The following ST7L variants were observed in gnomAD, a reference collection of about 807,000 sequenced individuals.
ST7L encodes the protein suppressor of tumorigenicity 7 protein-like.
ST7L carries 57 observed loss-of-function variants against 72.5 expected under a neutral mutation model. That is an observed-to-expected ratio of 0.79 (90% CI 0.64 to 0.98). The LOEUF (loss-of-function observed/expected upper bound fraction) is 0.98, where lower values mean the gene tolerates loss of function less well. Among genes scored for constraint, ST7L ranks in the 50% least tolerant of loss-of-function variants. The probability of loss-of-function intolerance (pLI) is 0.00; values close to 1 mark genes in which losing one functional copy is unlikely to be tolerated. For synonymous variants in ST7L, 221 were observed against 240.9 expected, an observed-to-expected ratio of 0.92 and a Z score of 0.77; for missense variants, 576 against 672.2, an observed-to-expected ratio of 0.86 and a Z score of 1.58.
intron 11 of ST7L, among the ~76,000 whole-genome samples, chr1:112,559,521 C>G (rs61818772): frequency 0.2 from 29,605 of 151,598 alleles, 3,252 homozygotes; most frequent in Middle Eastern, 0.26. Flanking sequence ...CATGAGCCAC[C>G]ACGCCTGGCA....
At chr1:112,586,922 A>G (rs1664951996) in intron 6 of ST7L, among the ~76,000 whole-genome samples, 1 of 152,146 alleles carries the variant, frequency 6.6e-6, no homozygotes, top group African/African-American at 2.4e-5. Flanking sequence ...TTAAGTAGTC[A>G]CTCCCCATCT....
chr1:112,558,431 T>C (rs1489925306), intron 11 of ST7L, among the ~76,000 whole-genome samples: 1 of 152,218 alleles, frequency 6.6e-6, no homozygotes, highest in Non-Finnish European at 1.5e-5. Flanking sequence ...CCTTACTTTA[T>C]TTAATCAATA....
chr1:112,591,807 C>A (rs1665769995), intron 5 of ST7L, among the ~76,000 whole-genome samples: 1 of 151,948 alleles, frequency 6.6e-6, no homozygotes, highest in Non-Finnish European at 1.5e-5. Context: ...AAAATATATT[C>A]TTTCTCTGAT....
At chr1:112,576,889 C>A in intron 11 of ST7L, 97 bp downstream of exon 11, 1 of 855,340 alleles carries the variant, frequency 1.2e-6, no homozygotes, top group South Asian at 2.0e-5. Context: ...TAAAACAATT[C>A]TGCACCAAAT....
At chr1:112,547,877 T>C (rs1657427691) in intron 13 of ST7L, among the ~76,000 whole-genome samples, 1 of 152,032 alleles carries the variant, frequency 6.6e-6, no homozygotes, top group African/African-American at 2.4e-5. Flanking sequence ...CCATCATCTT[T>C]TTATCAACCT....
chr1:112,541,977 C>T lies in ST7L; in HGVS notation c.1603G>A (p.Glu535Lys), dbSNP rs768028686. 36 of 1,613,744 alleles carry T rather than the reference C, an allele frequency of 2.2e-5. No individual in the cohort carries two copies. The East Asian group carries it at 8.0e-4, about 36-fold the overall frequency. Residue 535 changes from glutamate (E) to lysine (K), a missense_variant, in exon 14 of 15, where the codon GAA becomes AAA. Glu to Lys is a moderately conservative substitution (Grantham distance 56). Around this residue, in one of 3 missense-constraint regions of ST7L, gnomAD observed 511 missense variants for 600.7 expected, o/e 0.85. Coordinates refer to ENST00000358039, the MANE Select transcript of ST7L (RefSeq NM_017744.5). ...GCTTTAGCAAAAATACCCATGATTTCAGGAAACTGGTGAGTGAGAATGGCT... is the reference window on the plus strand; with the variant it reads ...GCTTTAGCAAAAATACCCATGATTTTAGGAAACTGGTGAGTGAGAATGGCT... ...MIAILTHQFP[E>K]IMGIFAKAVL...
intron 4 of ST7L, among the ~76,000 whole-genome samples, chr1:112,599,083 T>A (rs1276698219): frequency 0.2 from 10,712 of 53,046 alleles, 1,731 homozygotes; most frequent in Admixed American, 0.25. Flanking sequence ...AATATATATA[T>A]ATATATATAT....
At chr1:112,521,008 T>C (rs1300242066), downstream of ST7L, 2 of 159,052 alleles carry the variant, frequency 1.3e-5, no homozygotes, top group African/African-American at 4.8e-5. Context: ...GGCTACCACA[T>C]TCTATTATTG....
chr1:112,598,054 G>A lies in ST7L; in HGVS notation c.539C>T (p.Thr180Ile), dbSNP rs1326380461. 1.2e-6 allele frequency: 2 copies of A among 1,613,072 alleles called. No individual in the cohort carries two copies. The highest frequency in any genetic ancestry group is 3.3e-5 in the Admixed American group (2 of 59,766). The change falls in exon 5 of 15, where the codon ACA (threonine) becomes ATA (isoleucine). Residue 180 changes from threonine (T) to isoleucine (I), a missense_variant. Around this residue, in one of 3 missense-constraint regions of ST7L, gnomAD observed 511 missense variants for 600.7 expected, o/e 0.85. Transcript: ENST00000358039. ...AGCTGACAGGTTCATGTCATAGTAT[G>A]TAAGTGGCTCTTTACCAGTCACCCA... ...YTWVTGKEPL[T>I]YYDMNLSAQD...
At chr1:112,598,153 C>T in intron 4 of ST7L, 67 bp from the exon 5 acceptor site, 1 of 1,137,060 alleles carries the variant, frequency 8.8e-7, no homozygotes, top group Non-Finnish European at 1.3e-6. Context: ...ATAACAGACA[C>T]TACTTAAATT....
intron 11 of ST7L, among the ~76,000 whole-genome samples, chr1:112,563,667 T>C (rs1280961551): frequency 1.3e-5 from 2 of 152,158 alleles, no homozygotes; most frequent in African/African-American, 4.8e-5. Flanking sequence ...TGCTTTTCAC[T>C]AAAAATATAA....
chr1:112,541,881 C>T (rs1253138384), intron 14 of ST7L, 70 bp downstream of exon 14: 2 of 1,579,958 alleles, frequency 1.3e-6, no homozygotes, highest in Non-Finnish European at 1.7e-6. Context: ...TGGGTTAGCA[C>T]AGGCAGATCA....
intron 11 of ST7L, among the ~76,000 whole-genome samples, chr1:112,569,411 T>C (rs1430802807): frequency 6.6e-6 from 1 of 152,316 alleles, no homozygotes; most frequent in Middle Eastern, 3.4e-3. Context: ...TGCTACATTA[T>C]GCTAAGTGAA....
At chr1:112,578,464 T>A (rs772693119) in intron 9 of ST7L, 47 bp from the exon 10 acceptor site, 3 of 1,539,170 alleles carry the variant, frequency 1.9e-6, no homozygotes, top group Non-Finnish European at 2.7e-6. Context: ...AAAAAGGTAT[T>A]GAGACAATTT....
chr1:112,566,795 T>C (rs1479936752), intron 11 of ST7L, among the ~76,000 whole-genome samples: 1 of 152,226 alleles, frequency 6.6e-6, no homozygotes, highest in African/African-American at 2.4e-5. Flanking sequence ...CATGTTTTGC[T>C]TGTATCAGTA....
In ST7L at chr1:112,618,104, A is replaced by G. The variant is rs116717310; in HGVS notation, c.205+805T>C. ...ACTGAATCATGTAATGGAAATACTT[A>G]TATCTTGTTCTGAGGTTGCTGCTCA... On this transcript the variant is annotated intron_variant, in intron 1 of 14. Transcript: ENST00000358039. 5,143 of 1,301,498 alleles carry G rather than the reference A, an allele frequency of 4.0e-3. 162 individuals are homozygous for G. In the African/African-American group the frequency reaches 0.068, roughly 17 times the overall value. 80.6% of individuals were successfully genotyped at this position (1,301,498 alleles called of 1,614,324 possible). A position where few individuals can be genotyped will look rare whatever the true frequency, so the allele number is the denominator to read the frequency against.
intron 14 of ST7L, 96 bp from the exon 15 acceptor site, chr1:112,526,207 C>T (rs1301782351): frequency 1.9e-6 from 3 of 1,542,558 alleles, no homozygotes; most frequent in Admixed American, 1.8e-5. Context: ...AAGGAACAGC[C>T]TAGGCCCTCC....
chr1:112,547,193 CTTTTTT>C (rs759140130), intron 13 of ST7L, among the ~76,000 whole-genome samples: 1 of 137,524 alleles, frequency 7.3e-6, no homozygotes, highest in African/African-American at 2.7e-5. Flanking sequence ...TTCTTTCTTT[CTTTTTT>C]TTTTTTTTTT....
At chr1:112,545,600 A>G (rs574807333) in intron 13 of ST7L, among the ~76,000 whole-genome samples, 2 of 152,332 alleles carry the variant, frequency 1.3e-5, no homozygotes, top group East Asian at 3.9e-4. Context: ...GCTAAAGTCA[A>G]TGGATTCTTC....
Sources: gnomAD v4.1 joint callset for allele counts (sites outside exome capture counted in the v4.1 genomes callset) on GRCh38, gnomAD v4.1.1 for gene constraint, gnomAD v4.1.1 regional missense constraint, MANE v1.5 for transcripts, NCBI Gene and HGNC (gene_info 2026-07-23, HGNC 2026-07-21) for gene names.